Variants in PITPNM3 observed in about 807,000 individuals in gnomAD.
The protein encoded by PITPNM3 is PITPNM family member 3.
PITPNM3 carries 26 observed loss-of-function variants against 102.0 expected under a neutral mutation model. The ratio of observed to expected loss-of-function variants is 0.25; its 90% CI spans 0.19 to 0.35. PITPNM3 has a LOEUF of 0.35. Among genes scored for constraint, PITPNM3 ranks in the 10% least tolerant of loss-of-function variants. PITPNM3 has a pLI of 1.00. For missense variants in PITPNM3, 1,083 were observed against 1,346.1 expected, an observed-to-expected ratio of 0.80 and a Z score of 3.06; for synonymous variants, 578 against 558.6, an observed-to-expected ratio of 1.03 and a Z score of -0.49.
intron 6 of PITPNM3, among the ~76,000 whole-genome samples, chr17:6,482,671 T>A (rs948989505): frequency 3.9e-5 from 6 of 152,064 alleles, no homozygotes; most frequent in Non-Finnish European, 7.4e-5. Context: ...CCCCGTGGGA[T>A]CTGATGCTAT....
Position 6,476,166 on chromosome 17 carries a change from T to TA in PITPNM3, c.1085+862dup, listed in dbSNP as rs55633657. Among the ~76,000 whole-genome samples the TA allele has an allele frequency of 9.2e-3, 1,398 of 152,086 alleles. 9 individuals carry two copies. Among genetic ancestry groups the TA allele is most frequent in the Non-Finnish European group, 0.015 (1,027 of 67,968 alleles). ...AAGATCACAATATAAAGGGTTTTTT[T>TA]AAAATAAAACGATCTTAAAAGCATG... On this transcript the variant is annotated intron_variant, in intron 9 of 19. Coordinates refer to ENST00000262483, the MANE Select transcript of PITPNM3 (RefSeq NM_031220.4).
At chr17:6,518,240 G>A (rs994147025) in intron 3 of PITPNM3, among the ~76,000 whole-genome samples, 1 of 152,170 alleles carries the variant, frequency 6.6e-6, no homozygotes, top group Non-Finnish European at 1.5e-5. Context: ...GGGTAAAGAG[G>A]AGAACGTGGA....
rs1567655020 is a variant in PITPNM3 at position 6,453,011 on chromosome 17, T to TCTCTGCCTTCCTTTCTTTCTCC, written c.*2326_*2327insGGAGAAAGAAAGGAAGGCAGAG. 7.8e-6 allele frequency: 1 copy of TCTCTGCCTTCCTTTCTTTCTCC among 128,720 alleles called. No individual in the cohort carries two copies. The highest frequency in any genetic ancestry group is 2.8e-5 in the African/African-American group (1 of 36,132). The allele number at this position is 128,720 out of a possible 1,614,324, so 8.0% of individuals were successfully genotyped here. On this transcript the variant is annotated 3_prime_UTR_variant, in exon 20 of 20. Transcript: ENST00000262483. ...CTCTCTCTGTCTTCCTTTCTCTCTC[T>TCTCTGCCTTCCTTTCTTTCTCC]CTCTCTCTCTCTGCCTTCCTGTCTT...
In PITPNM3 at chr17:6,478,747, G is replaced by A. The variant is rs1202643996; in HGVS notation, c.588-11C>T. The A allele has an allele frequency of 6.4e-7, 1 of 1,555,024 alleles. No homozygotes were observed. Among genetic ancestry groups the A allele is most frequent in the East Asian group, 2.4e-5 (1 of 42,130 alleles). Reference sequence around the variant, plus strand: ...CTGTAGGGGTTCAGGCTGCAGACAGGGGGCCCAAGGTGAGCCCAGCCAGGA... The same window carrying A: ...CTGTAGGGGTTCAGGCTGCAGACAGAGGGCCCAAGGTGAGCCCAGCCAGGA... On this transcript the variant is annotated splice_polypyrimidine_tract_variant and intron_variant, in intron 6 of 19. Coordinates refer to ENST00000262483, the MANE Select transcript of PITPNM3 (RefSeq NM_031220.4). This position sits in a 1 kb window ranked among gnomAD's most constrained non-coding sequence, Gnocchi z 4.4.
Position 6,472,014 on chromosome 17 carries a change from C to T in PITPNM3, c.1429+643G>A, listed in dbSNP as rs1486846228. Among the ~76,000 whole-genome samples the T allele has an allele frequency of 6.6e-6, 1 of 152,224 alleles. No homozygotes were observed. The highest frequency in any genetic ancestry group is 1.5e-5 in the Non-Finnish European group (1 of 68,038). On this transcript the variant is annotated intron_variant, in intron 11 of 19. Transcript: ENST00000262483. The surrounding 1 kb of genome is among the most constrained non-coding windows in gnomAD (Gnocchi z 4.1). ...TCCCTGACGCAAACCTCTGAGCAGG[C>T]TTAGGCTAAATTTCCTCAAGTAGGG...
At chr17:6,549,660 G>A (rs1910204656) in intron 1 of PITPNM3, among the ~76,000 whole-genome samples, 1 of 152,234 alleles carries the variant, frequency 6.6e-6, no homozygotes, top group Admixed American at 6.5e-5. Context: ...AAAAGGGGGT[G>A]CAATTTAGCA....
rs181351370 is a variant in PITPNM3, at chr17:6,483,635, A to G, written c.469T>C (p.Phe157Leu). Residue 157 changes from phenylalanine to leucine, a missense_variant, in exon 6 of 20, where the codon TTC becomes CTC. Physicochemically the swap from Phe to Leu is conservative, Grantham distance 22 (BLOSUM62 0). Coordinates refer to ENST00000262483, the MANE Select transcript of PITPNM3 (RefSeq NM_031220.4). ...GTGACCTTCTCCAGCACGGAGCTGA[A>G]GGTGTGGATGTCGGCTGCCTTGCAG... ...PSCKAADIHT[F>L]SSVLEKVTRA... 9 of 1,614,120 alleles carry G rather than the reference A, an allele frequency of 5.6e-6. No homozygotes were observed. The Admixed American group carries it at 1.2e-4, about 21-fold the overall frequency.
At chr17:6,484,865 C>G (rs920197514) in intron 4 of PITPNM3, among the ~76,000 whole-genome samples, 1 of 152,206 alleles carries the variant, frequency 6.6e-6, no homozygotes, top group African/African-American at 2.4e-5. Flanking sequence ...CCGTGAGGGT[C>G]TGAGCAGAAC....
At position 6,465,563 on chromosome 17, in the gene PITPNM3, G is replaced by A. The variant is rs147319349; in HGVS notation, c.1891-792C>T. Among the ~76,000 whole-genome samples, 305 of 152,160 alleles carry A rather than the reference G, an allele frequency of 2.0e-3. 1 individual carries two copies. The highest frequency in any genetic ancestry group is 3.0e-3 in the Non-Finnish European group (202 of 67,986). The stretch of plus-strand genomic sequence containing the variant: ...AGAGAGAAGAGTGTAACAAAGCCTC[G>A]TGTTCCCAGCACCTGCTCCACCACT... On this transcript the variant is annotated intron_variant, in intron 14 of 19. Coordinates refer to ENST00000262483, the MANE Select transcript of PITPNM3 (RefSeq NM_031220.4).
Position 6,525,459 on chromosome 17 carries a change from C to G in PITPNM3, c.123G>C (p.Glu41Asp). ...GGATGGCATTCTTCCCTTCAGCCAT[C>G]TCCTCTGTGGGAAGAAGCAGCGGTG... The part of the protein sequence containing the change: ...SDDEFFDARE[E>D]MAEGKNAILI... Residue 41 changes from glutamate to aspartate, a missense_variant, in exon 3 of 20, where the codon GAG becomes GAC. Transcript: ENST00000262483. The G allele has an allele frequency of 6.2e-7, 1 of 1,613,732 alleles. No individual in the cohort carries two copies. Among genetic ancestry groups the G allele is most frequent in the East Asian group, 2.2e-5 (1 of 44,874 alleles).
At chr17:6,475,675 A>G (rs1905270990) in intron 9 of PITPNM3, among the ~76,000 whole-genome samples, 1 of 152,136 alleles carries the variant, frequency 6.6e-6, no homozygotes, top group Admixed American at 6.5e-5. Context: ...CTTAATTGCC[A>G]AAGAAACCAC....
In PITPNM3 at chr17:6,455,549, T is replaced by A; in HGVS notation, c.2714A>T (p.Lys905Met). The A allele has an allele frequency of 6.2e-7, 1 of 1,603,564 alleles. No homozygotes were observed. Among genetic ancestry groups the A allele is most frequent in the Non-Finnish European group, 8.5e-7 (1 of 1,179,392 alleles). Residue 905 changes from lysine (K) to methionine (M), a missense_variant, in exon 20 of 20, where the codon AAG becomes ATG. By Grantham distance (95) the Lys-to-Met change is moderately conservative. This residue lies in a region of PITPNM3 where 208 missense variants were observed against 178.2 expected (regional missense o/e 1.17). Coordinates refer to ENST00000262483, the MANE Select transcript of PITPNM3 (RefSeq NM_031220.4). Reference protein sequence around the residue: ...KKNNSRMILRKGSFGLHAQPE... With the variant: ...KKNNSRMILRMGSFGLHAQPE... ...CTGCGCGTGCAGCCCGAAGCTGCCCTTGCGCAGGATCATGCGCGAGTTGTT... is the reference window on the plus strand; with the variant it reads ...CTGCGCGTGCAGCCCGAAGCTGCCCATGCGCAGGATCATGCGCGAGTTGTT...
chr17:6,497,959 C>A (rs971270866), intron 4 of PITPNM3, among the ~76,000 whole-genome samples: 1 of 152,182 alleles, frequency 6.6e-6, no homozygotes, highest in African/African-American at 2.4e-5. Flanking sequence ...AGGCATGGAG[C>A]GGGTGAGGCA....
intron 5 of PITPNM3, among the ~76,000 whole-genome samples, 158 bp from the exon 6 acceptor site, chr17:6,483,910 C>T (rs767059879): frequency 1.3e-5 from 2 of 152,178 alleles, no homozygotes; most frequent in Non-Finnish European, 2.9e-5. Context: ...TCCAGCCTGT[C>T]TCAGCTGCAA....
In PITPNM3 at chr17:6,478,581, AG is replaced by A; in HGVS notation, c.742del (p.Leu248Ter). The A allele has an allele frequency of 1.2e-6, 2 of 1,614,138 alleles. No individual in the cohort carries two copies. Among genetic ancestry groups the A allele is most frequent in the Non-Finnish European group, 8.5e-7 (1 of 1,180,036 alleles). On this transcript the variant is annotated frameshift_variant, in exon 7 of 20. Transcript: ENST00000262483. LOFTEE classifies it high-confidence loss of function. The surrounding 1 kb of genome is among the most constrained non-coding windows in gnomAD (Gnocchi z 4.4). ...ERANQVYREF[L>X]KSSDGIGFSG... ...GAAGCCAATCCCATCAGAGGACTTC[AG>A]GAACTCTCTGTAGACCTGGTTGGCT...
At chr17:6,519,870 G>A (rs1423341936) in intron 3 of PITPNM3, among the ~76,000 whole-genome samples, 1 of 151,996 alleles carries the variant, frequency 6.6e-6, no homozygotes, top group African/African-American at 2.4e-5. Flanking sequence ...TAAATGATGT[G>A]ATGCTGTAAC....
At chr17:6,514,667 G>A (rs1168195128) in intron 3 of PITPNM3, among the ~76,000 whole-genome samples, 1 of 152,228 alleles carries the variant, frequency 6.6e-6, no homozygotes, top group African/African-American at 2.4e-5. Context: ...AATGTAAAGT[G>A]GGGCAGCTAC....
At chr17:6,492,966 T>C (rs920312618) in intron 4 of PITPNM3, among the ~76,000 whole-genome samples, 1 of 150,604 alleles carries the variant, frequency 6.6e-6, no homozygotes, top group East Asian at 1.9e-4. Context: ...CTATTGGTTA[T>C]TGCCCAAACT....
intron 14 of PITPNM3, among the ~76,000 whole-genome samples, chr17:6,467,235 C>T (rs8081958): frequency 0.12 from 17,976 of 152,134 alleles, 1,527 homozygotes; most frequent in African/African-American, 0.24. Flanking sequence ...GAAGACAGTG[C>T]GCTAAGTGCA....
Sources: allele counts gnomAD v4.1 joint callset (sites outside exome capture counted in the v4.1 genomes callset), GRCh38; gene constraint gnomAD v4.1.1; regional missense constraint gnomAD v4.1.1; non-coding constraint Gnocchi (gnomAD v3.1); transcripts MANE v1.5; gene names NCBI Gene and HGNC (gene_info 2026-07-23, HGNC 2026-07-21).